The following TTF1 variants were observed in gnomAD, a reference collection of about 807,000 sequenced individuals.
TTF1 encodes transcription termination factor, RNA polymerase I.
Under a neutral mutation model 80.2 loss-of-function variants are expected in TTF1, and 64 were observed. That is an observed-to-expected ratio of 0.80 (90% confidence interval 0.65 to 0.98). The LOEUF is 0.98. Ranked by LOEUF, TTF1 falls within the 50% of genes least tolerant of loss-of-function variation. The probability of loss-of-function intolerance (pLI) is 0.00; values close to 1 mark genes in which losing one functional copy is unlikely to be tolerated. For missense variants in TTF1, 1,023 were observed against 1,086.2 expected (o/e 0.94, Z 0.82); for synonymous variants, 372 against 382.7 (o/e 0.97, Z 0.33).
intron 5 of TTF1, among the ~76,000 whole-genome samples, chr9:132,394,408 T>C (rs145987893): frequency 8.2e-4 from 125 of 152,078 alleles, no homozygotes; most frequent in African/African-American, 2.2e-3. Flanking sequence ...GCCTCCCAAG[T>C]AGCTGGGATT....
chr9:132,386,420 A>G (rs1849470071), intron 9 of TTF1, 136 bp downstream of exon 9: 2 of 779,778 alleles, frequency 2.6e-6, no homozygotes, highest in Non-Finnish European at 4.2e-6. Flanking sequence ...TAGCAAATAC[A>G]CTGAATTTTA....
At chr9:132,406,240 G>T (rs544907807) in intron 1 of TTF1, among the ~76,000 whole-genome samples, 3 of 152,302 alleles carry the variant, frequency 2.0e-5, no homozygotes, top group Non-Finnish European at 2.9e-5. Context: ...CTGCTCCCGG[G>T]TGGGCGCTCC....
intron 10 of TTF1, among the ~76,000 whole-genome samples, chr9:132,376,767 TCCTCCCACCTCAGCCTCCC>T (rs538078200): frequency 9.6e-4 from 143 of 148,932 alleles, no homozygotes; most frequent in African/African-American, 2.7e-3. Context: ...GATCAAGCAA[TCCTCCCACCTCAGCCTCCC>T]CCTCCCACCT....
At chr9:132,397,253 T>C (rs903512304) in intron 4 of TTF1, among the ~76,000 whole-genome samples, 1 of 152,174 alleles carries the variant, frequency 6.6e-6, no homozygotes, top group Non-Finnish European at 1.5e-5. Flanking sequence ...AGATGAACAA[T>C]AATCTTTCCC....
rs1171743918 is a variant in TTF1 at position 132,392,152 on chromosome 9, A to G, written c.1911T>C (p.Asn637=). ...CCATCTCACCAATCGTCTTCCAGTC[A>G]TTCCCAAGGAGAGAATGGTACATCT... ...KLKMYHSLLG[N]DWKTIGEMVA... is the part of the protein sequence containing the mutation. The change falls in exon 6 of 11, where the codon AAT becomes AAC. Residue 637 remains asparagine, a synonymous_variant. Coordinates refer to ENST00000334270, the MANE Select transcript of TTF1 (RefSeq NM_007344.4). 3 of 1,614,066 alleles carry G rather than the reference A, an allele frequency of 1.9e-6. No individual in the cohort carries two copies. The highest frequency in any genetic ancestry group is 1.1e-5 in the South Asian group (1 of 91,086).
intron 7 of TTF1, among the ~76,000 whole-genome samples, chr9:132,390,273 C>T (rs12349031): frequency 0.011 from 1,750 of 152,314 alleles, 24 homozygotes; most frequent in African/African-American, 0.04. Context: ...AGCCACTGCG[C>T]GTGGCCCCTT....
chr9:132,403,509 C>T (rs1217137256), intron 1 of TTF1, among the ~76,000 whole-genome samples: 1 of 152,074 alleles, frequency 6.6e-6, no homozygotes, highest in East Asian at 1.9e-4. Flanking sequence ...AGCCTCCCCA[C>T]CCTCCTTGCC....
At chr9:132,392,357 T>C in intron 5 of TTF1, 151 bp from the exon 6 acceptor site, 1 of 899,236 alleles carries the variant, frequency 1.1e-6, no homozygotes. Flanking sequence ...CCTGTTGGCG[T>C]CTCACTGGTG....
At chr9:132,379,938 A>C (rs1849338203) in intron 9 of TTF1, among the ~76,000 whole-genome samples, 1 of 152,266 alleles carries the variant, frequency 6.6e-6, no homozygotes, top group East Asian at 1.9e-4. Context: ...TGTTAAAATG[A>C]TTAGCATGAA....
At position 132,400,111 on chromosome 9, in the gene TTF1, G is replaced by A. The variant is rs781302632; in HGVS notation, c.1515C>T (p.Ile505=). ...TGATTGTGCTGGTGGCCCTGTCCTTGATGTTAGGAATGAACTCCTGAAGCT... is the reference window on the plus strand; with the variant it reads ...TGATTGTGCTGGTGGCCCTGTCCTTAATGTTAGGAATGAACTCCTGAAGCT... ...VKQLQEFIPN[I]KDRATSTIKR... Residue 505 remains isoleucine, a synonymous_variant, in exon 3 of 11, where the codon ATC becomes ATT. Coordinates refer to ENST00000334270, the MANE Select transcript of TTF1 (RefSeq NM_007344.4). The A allele has an allele frequency of 1.4e-5, 22 of 1,614,016 alleles. No homozygotes were observed. Among genetic ancestry groups the A allele is most frequent in the African/African-American group, 2.7e-5 (2 of 74,894 alleles).
At chr9:132,377,745 GTGCATGTGGTGCGTGTGAA>G (rs1849243999) in intron 10 of TTF1, among the ~76,000 whole-genome samples, 1 of 139,082 alleles carries the variant, frequency 7.2e-6, no homozygotes, top group Non-Finnish European at 1.5e-5. Context: ...TGTGGTGTGA[GTGCATGTGGTGCGTGTGAA>G]TGCATGTGGT....
Position 132,401,734 on chromosome 9 carries a change from A to C in TTF1, c.1088T>G (p.Val363Gly), listed in dbSNP as rs763072061. The C allele has an allele frequency of 3.1e-6, 5 of 1,613,980 alleles. No individual in the cohort carries two copies. The Admixed American group carries it at 8.3e-5, about 27-fold the overall frequency. Residue 363 changes from valine to glycine, a missense_variant, in exon 2 of 11, where the codon GTG becomes GGG. Coordinates refer to ENST00000334270, the MANE Select transcript of TTF1 (RefSeq NM_007344.4). Reference protein sequence around the residue: ...LESAYPEGSQVGSEVGTVEGS... With the variant: ...LESAYPEGSQGGSEVGTVEGS... ...TTCCACAGTCCCAACCTCACTGCCC[A>C]CCTGTGATCCTTCAGGGTATGCACT...
At chr9:132,393,392 A>G (rs1177480) in intron 5 of TTF1, among the ~76,000 whole-genome samples, 118,480 of 152,190 alleles carry the variant, frequency 0.78, 46,852 homozygotes, top group Non-Finnish European at 0.86. Context: ...CACCGGGCCC[A>G]CCCAGGGCGG....
intron 9 of TTF1, among the ~76,000 whole-genome samples, chr9:132,380,165 G>T (rs1849344236): frequency 6.6e-6 from 1 of 152,124 alleles, no homozygotes; most frequent in African/African-American, 2.4e-5. Context: ...TGCCTCCAAG[G>T]TTCAGGTTGT....
rs1246931346 is a variant in TTF1 at position 132,378,673 on chromosome 9, A to ATGTGGTTGGTGTGAG, written c.2464+385_2464+386insCTCACACCAACCACA. 1.6e-3 allele frequency among the ~76,000 whole-genome samples: 113 copies of ATGTGGTTGGTGTGAG among 72,468 alleles called. 1 individual carries two copies. Among genetic ancestry groups the ATGTGGTTGGTGTGAG allele is most frequent in the African/African-American group, 6.7e-3 (108 of 16,018 alleles). 47.5% of individuals were successfully genotyped at this position (72,468 alleles called of 152,430 possible). ...TGTGAGTGCATACGTGTGTGAGTGCATGCATGTGGTGTGTGTGAGTGCATG... is the reference window on the plus strand; with the variant it reads ...TGTGAGTGCATACGTGTGTGAGTGCATGTGGTTGGTGTGAGTGCATGTGGTGTGTGTGAGTGCATG... On this transcript the variant is annotated intron_variant, in intron 10 of 10. Transcript: ENST00000334270.
In TTF1 at chr9:132,389,061, T is replaced by C. The variant is rs186228514; in HGVS notation, c.2223-833A>G. Among the ~76,000 whole-genome samples the C allele has an allele frequency of 4.0e-3, 604 of 152,310 alleles. 10 individuals are homozygous for C. The highest frequency in any genetic ancestry group is 5.6e-3 in the Non-Finnish European group (380 of 68,032). On this transcript the variant is annotated intron_variant, in intron 7 of 10. Coordinates refer to ENST00000334270, the MANE Select transcript of TTF1 (RefSeq NM_007344.4). ...CCTATTTTTATCTCAAATTAATAGC[T>C]AAATCTTGCACGTTATCTTAATTAT...
In TTF1 at chr9:132,401,565, A is replaced by C; in HGVS notation, c.1257T>G (p.Phe419Leu). 1 of 1,614,112 alleles carries C rather than the reference A, an allele frequency of 6.2e-7. No individual in the cohort carries two copies. Among genetic ancestry groups the C allele is most frequent in the Non-Finnish European group, 8.5e-7 (1 of 1,180,014 alleles). ...VPSKNSESTL[F>L]DSVEGDGAMM... ...TGGCGCCATCACCTTCTACTGAATC[A>C]AAGAGTGTGCTCTCAGAGTTCTTAC... The change falls in exon 2 of 11, where the codon TTT (phenylalanine) becomes TTG (leucine). Residue 419 changes from phenylalanine (F) to leucine (L), a missense_variant. Phe to Leu is a conservative substitution (Grantham distance 22, BLOSUM62 0). Coordinates refer to ENST00000334270, the MANE Select transcript of TTF1 (RefSeq NM_007344.4).
At chr9:132,377,181 G>A (rs959027982) in intron 10 of TTF1, among the ~76,000 whole-genome samples, 11 of 147,660 alleles carry the variant, frequency 7.4e-5, no homozygotes, top group African/African-American at 2.9e-4. Flanking sequence ...CATGTGGTGT[G>A]TGAGTGCATG....
chr9:132,382,620 G>A (rs575224107), intron 9 of TTF1, among the ~76,000 whole-genome samples: 3 of 152,204 alleles, frequency 2.0e-5, no homozygotes, highest in South Asian at 2.1e-4. Context: ...AAAGATGGAC[G>A]ATCTTCATAG....
Sources: gnomAD v4.1 joint callset for allele counts (sites outside exome capture counted in the v4.1 genomes callset) on GRCh38, gnomAD v4.1.1 for gene constraint, MANE v1.5 for transcripts, NCBI Gene and HGNC (gene_info 2026-07-23, HGNC 2026-07-21) for gene names.